AGBL1: variants seen among roughly 807,000 people sequenced by gnomAD.
AGBL1 encodes the protein AGBL carboxypeptidase 1.
AGBL1 carries 130 observed loss-of-function variants against 118.9 expected under a neutral mutation model. The ratio of observed to expected loss-of-function variants is 1.09; its 90% CI spans 0.95 to 1.26. The LOEUF (loss-of-function observed/expected upper bound fraction) is 1.26. AGBL1 is among the 50% of genes most tolerant of loss of function. The probability of loss-of-function intolerance (pLI) is 0.00; values close to 1 mark genes in which losing one functional copy is unlikely to be tolerated. For missense variants in AGBL1, 1,584 were observed against 1,298.1 expected (o/e 1.22, Z -3.38); for synonymous variants, 555 against 478.9 (o/e 1.16, Z -2.08).
chr15:86,931,620 G>A (rs552260241), intron 23 of AGBL1, among the ~76,000 whole-genome samples: 6 of 125,610 alleles, frequency 4.8e-5, no homozygotes, highest in African/African-American at 1.8e-4. Flanking sequence ...GCTGCTGGTT[G>A]TTGTATTGAT....
At chr15:86,454,825 C>T (rs748694693) in intron 18 of AGBL1, among the ~76,000 whole-genome samples, 22 of 152,018 alleles carry the variant, frequency 1.4e-4, no homozygotes, top group Admixed American at 2.6e-4. Context: ...GAGATGTACC[C>T]GCTTGTGAAA....
intron 6 of AGBL1, 72 bp from the exon 7 acceptor site, chr15:86,247,599 C>A: frequency 7.1e-7 from 1 of 1,401,678 alleles, no homozygotes; most frequent in Non-Finnish European, 9.9e-7. Flanking sequence ...GTGGGAAATA[C>A]ACTGGAACAT....
intron 22 of AGBL1, among the ~76,000 whole-genome samples, chr15:86,899,172 A>C (rs1007388230): frequency 2.0e-5 from 3 of 152,218 alleles, no homozygotes; most frequent in Admixed American, 2.0e-4. Context: ...GGTAAAGAAA[A>C]TGTACATATA....
At chr15:86,972,948 A>T (rs2081125548) in intron 23 of AGBL1, among the ~76,000 whole-genome samples, 1 of 151,948 alleles carries the variant, frequency 6.6e-6, no homozygotes, top group Non-Finnish European at 1.5e-5. Flanking sequence ...CTTTCATTAT[A>T]ATCTTGGTAT....
intron 23 of AGBL1, among the ~76,000 whole-genome samples, chr15:86,951,821 TGTTAA>T (rs2080883447): frequency 1.3e-5 from 2 of 152,348 alleles, no homozygotes; most frequent in Admixed American, 1.3e-4. Flanking sequence ...CAAGCTCTAT[TGTTAA>T]GTGTACACAT....
At chr15:86,248,642 T>A (rs1273737483) in intron 7 of AGBL1, among the ~76,000 whole-genome samples, 1 of 152,182 alleles carries the variant, frequency 6.6e-6, no homozygotes, top group African/African-American at 2.4e-5. Flanking sequence ...TGAACTGCGT[T>A]GTGAGGATGA....
At chr15:87,004,789 G>C (rs1220640336) in intron 24 of AGBL1, among the ~76,000 whole-genome samples, 2 of 152,098 alleles carry the variant, frequency 1.3e-5, no homozygotes, top group African/African-American at 2.4e-5. Context: ...AGCATTGATG[G>C]TCTTTCTTTA....
At chr15:86,847,449 T>A (rs1189055769) in intron 22 of AGBL1, among the ~76,000 whole-genome samples, 1 of 152,362 alleles carries the variant, frequency 6.6e-6, no homozygotes, top group African/African-American at 2.4e-5. Context: ...TTTTGGTAAC[T>A]TGCTTTGACT....
intron 21 of AGBL1, among the ~76,000 whole-genome samples, chr15:86,637,203 T>C (rs2085111637): frequency 6.6e-6 from 1 of 152,000 alleles, no homozygotes; most frequent in Non-Finnish European, 1.5e-5. Flanking sequence ...ATGTAACCTA[T>C]AAATTGTGAT....
intron 17 of AGBL1, among the ~76,000 whole-genome samples, chr15:86,328,525 A>T (rs1877849079): frequency 6.6e-6 from 1 of 152,184 alleles, no homozygotes; most frequent in African/African-American, 2.4e-5. Context: ...ATAGAATGAT[A>T]GTGCACAAAG....
At chr15:86,772,461 A>T (rs2078195454) in intron 22 of AGBL1, among the ~76,000 whole-genome samples, 1 of 152,070 alleles carries the variant, frequency 6.6e-6, no homozygotes, top group Non-Finnish European at 1.5e-5. Flanking sequence ...TCAATTAGGC[A>T]GCTGGAAAGT....
At chr15:86,877,947 A>C (rs1456664444) in intron 22 of AGBL1, among the ~76,000 whole-genome samples, 3 of 152,122 alleles carry the variant, frequency 2.0e-5, no homozygotes, top group Non-Finnish European at 4.4e-5. Context: ...AAACGGAGTT[A>C]CCCCCATCAT....
chr15:86,552,161 A>T (rs903832888), intron 20 of AGBL1, among the ~76,000 whole-genome samples: 6 of 152,204 alleles, frequency 3.9e-5, no homozygotes, highest in African/African-American at 1.4e-4. Flanking sequence ...GTTTCTATGT[A>T]GGTTCAGCAG....
chr15:86,736,656 G>A (rs576111085), intron 22 of AGBL1, among the ~76,000 whole-genome samples: 51 of 152,234 alleles, frequency 3.4e-4, no homozygotes, highest in Non-Finnish European at 5.4e-4. Context: ...TCCACTAGCC[G>A]TAAACTACAC....
chr15:86,695,718 A>T (rs1238316816), intron 22 of AGBL1, among the ~76,000 whole-genome samples: 4 of 151,732 alleles, frequency 2.6e-5, no homozygotes, highest in Non-Finnish European at 5.9e-5. Flanking sequence ...AGACTTTTTG[A>T]TGTAGGCATT....
intron 1 of AGBL1, among the ~76,000 whole-genome samples, chr15:86,140,559 G>A (rs1225113266): frequency 6.6e-6 from 1 of 152,128 alleles, no homozygotes; most frequent in African/African-American, 2.4e-5. Flanking sequence ...ACCTAGTGGG[G>A]GTGGAGTGGG....
chr15:86,200,738 G>T (rs1002748947), intron 5 of AGBL1, among the ~76,000 whole-genome samples: 2 of 151,160 alleles, frequency 1.3e-5, no homozygotes, highest in African/African-American at 4.9e-5. Context: ...TGCTTCAGCC[G>T]CCTGAGTAAC....
At chr15:86,932,557 G>A (rs1363044789) in intron 23 of AGBL1, among the ~76,000 whole-genome samples, 1 of 152,180 alleles carries the variant, frequency 6.6e-6, no homozygotes, top group East Asian at 1.9e-4. Flanking sequence ...AAAGAGAATT[G>A]CTGAGAATAA....
intron 22 of AGBL1, among the ~76,000 whole-genome samples, chr15:86,882,884 T>G (rs2079916182): frequency 6.6e-6 from 1 of 152,220 alleles, no homozygotes; most frequent in Non-Finnish European, 1.5e-5. Context: ...ATATTTCCAA[T>G]GAAAATAGTA....
Sources: gnomAD v4.1 joint callset for allele counts (sites outside exome capture counted in the v4.1 genomes callset) on GRCh38, gnomAD v4.1.1 for gene constraint, MANE v1.5 for transcripts, NCBI Gene and HGNC (gene_info 2026-07-23, HGNC 2026-07-21) for gene names.